The following PAK2 variants were observed in gnomAD, a reference collection of about 807,000 sequenced individuals.
PAK2 encodes the protein p21 (RAC1) activated kinase 2, also known as serine/threonine-protein kinase PAK 2.
PAK2 carries 21 observed loss-of-function variants against 65.9 expected under a neutral mutation model. The ratio of observed to expected loss-of-function variants is 0.32; its 90% confidence interval spans 0.23 to 0.46. The LOEUF (loss-of-function observed/expected upper bound fraction) is 0.46, where lower values mean the gene tolerates loss of function less well. Ranked by LOEUF, PAK2 falls within the 20% of genes least tolerant of loss-of-function variation. PAK2 has a pLI of 1.00. For missense variants in PAK2, 324 were observed against 642.6 expected (o/e 0.50, Z 5.36); for synonymous variants, 204 against 219.7 (o/e 0.93, Z 0.63).
At chr3:196,779,714 C>A (rs1263016698) in intron 1 of PAK2, among the ~76,000 whole-genome samples, 1 of 152,050 alleles carries the variant, frequency 6.6e-6, no homozygotes, top group Non-Finnish European at 1.5e-5. Flanking sequence ...ACTCTGTTAC[C>A]CACGCTGGAG....
chr3:196,830,196 T>G lies in PAK2; in HGVS notation c.*1791T>G, dbSNP rs1272883856. On this transcript the variant is annotated 3_prime_UTR_variant, in exon 15 of 15. Coordinates refer to ENST00000327134, the MANE Select transcript of PAK2 (RefSeq NM_002577.4). ...GCAATTATAAGGAGAGAAGTGACTG[T>G]TTTTTATTGATAAGGCAAGATTTTC... 1 of 152,070 alleles carries G rather than the reference T, an allele frequency of 6.6e-6. No homozygotes were observed. Among genetic ancestry groups the G allele is most frequent in the Admixed American group, 6.5e-5 (1 of 15,268 alleles). The allele number at this position is 152,070 out of a possible 1,614,324, so 9.4% of individuals were successfully genotyped here.
intron 1 of PAK2, among the ~76,000 whole-genome samples, chr3:196,743,345 T>G (rs1010538398): frequency 1.3e-5 from 2 of 152,188 alleles, no homozygotes; most frequent in African/African-American, 4.8e-5. Flanking sequence ...CTGTTCTACT[T>G]TACCCTGGGC....
Position 196,812,263 on chromosome 3 carries a change from A to AG in PAK2, c.820dup (p.Glu274GlyfsTer8). 1 of 1,571,842 alleles carries AG rather than the reference A, an allele frequency of 6.4e-7. No homozygotes were observed. Among genetic ancestry groups the AG allele is most frequent in the Non-Finnish European group, 8.8e-7 (1 of 1,141,734 alleles). On this transcript the variant is annotated frameshift_variant, in exon 9 of 15. Transcript: ENST00000327134. LOFTEE classifies it high-confidence loss of function. ...ACTGCTACTGACGTTGCACTGGGAC[A>AG]GGAGGTAGTTACTTTGTTGTAATCC...
intron 1 of PAK2, among the ~76,000 whole-genome samples, chr3:196,755,817 A>G (rs918139990): frequency 1.3e-5 from 2 of 151,082 alleles, no homozygotes; most frequent in Admixed American, 6.6e-5. Flanking sequence ...GTACAGCGGC[A>G]TGATCTTGGC....
intron 1 of PAK2, among the ~76,000 whole-genome samples, chr3:196,773,163 G>T (rs1215483547): frequency 2.0e-5 from 3 of 152,138 alleles, no homozygotes; most frequent in Non-Finnish European, 4.4e-5. Flanking sequence ...AGTACAGTGT[G>T]TTTTGGGCAC....
Position 196,791,651 on chromosome 3 carries a change from G to A in PAK2, c.187+8818G>A, listed in dbSNP as rs921785089. On this transcript the variant is annotated intron_variant, in intron 2 of 14. Coordinates refer to ENST00000327134, the MANE Select transcript of PAK2 (RefSeq NM_002577.4). The surrounding 1 kb of genome is among the most constrained non-coding windows in gnomAD (Gnocchi z 4.0). ...AAGAAATATAATTCCTGGGCCGGGC[G>A]TGGTGGCTCACGCCTGTAATCCCAG... Among the ~76,000 whole-genome samples the A allele has an allele frequency of 2.6e-5, 4 of 151,880 alleles. No homozygotes were observed. The highest frequency in any genetic ancestry group is 1.3e-4 in the Admixed American group (2 of 15,244).
At position 196,762,555 on chromosome 3, in the gene PAK2, G is replaced by A. The variant is rs562347041; in HGVS notation, c.-21-20071G>A. ...ACCAAAACCAGTCAGGCGTGGCGGCGCATGCCTGCAATCGCAGGCACTCGG... is the reference window on the plus strand; with the variant it reads ...ACCAAAACCAGTCAGGCGTGGCGGCACATGCCTGCAATCGCAGGCACTCGG... On this transcript the variant is annotated intron_variant, in intron 1 of 14. Transcript: ENST00000327134. Among the ~76,000 whole-genome samples, 45 of 150,162 alleles carry A rather than the reference G, an allele frequency of 3.0e-4. 1 individual carries two copies. In the South Asian group the frequency reaches 5.3e-3, roughly 18 times the overall value.
In PAK2 at chr3:196,786,159, A is replaced by G. The variant is rs141435047; in HGVS notation, c.187+3326A>G. ...TTAATTTGATATGGTGGATTTGATC[A>G]ATTTCTCTTTTTTTTTTTTTTGAGA... On this transcript the variant is annotated intron_variant, in intron 2 of 14. Transcript: ENST00000327134. Among the ~76,000 whole-genome samples, 608 of 148,180 alleles carry G rather than the reference A, an allele frequency of 4.1e-3. 1 individual carries two copies. The highest frequency in any genetic ancestry group is 6.5e-3 in the Non-Finnish European group (436 of 67,424).
Position 196,820,636 on chromosome 3 carries a change from G to A in PAK2, c.1350+69G>A, listed in dbSNP as rs1438938602. On this transcript the variant is annotated intron_variant, in intron 13 of 14. Coordinates refer to ENST00000327134, the MANE Select transcript of PAK2 (RefSeq NM_002577.4). This position sits in a 1 kb window ranked among gnomAD's most constrained non-coding sequence, Gnocchi z 4.6. ...AAACTCTTATTTAGAACTTGCACGTGCCTGGCACTGTCCAAGAATTTAAAG... is the reference window on the plus strand; with the variant it reads ...AAACTCTTATTTAGAACTTGCACGTACCTGGCACTGTCCAAGAATTTAAAG... 2.5e-6 allele frequency: 2 copies of A among 809,172 alleles called. No individual in the cohort carries two copies. The highest frequency in any genetic ancestry group is 3.9e-6 in the Non-Finnish European group (2 of 516,440). The allele number at this position is 809,172 out of a possible 1,614,324, so 50.1% of individuals were successfully genotyped here.
At chr3:196,815,098 T>G (rs1715960648) in intron 11 of PAK2, among the ~76,000 whole-genome samples, 1 of 151,784 alleles carries the variant, frequency 6.6e-6, no homozygotes, top group Non-Finnish European at 1.5e-5. Flanking sequence ...GAGAATGGCG[T>G]GAACCTGGGA....
rs140995026 is a variant in PAK2, at chr3:196,764,469, A to G, written c.-21-18157A>G. 2.2e-3 allele frequency among the ~76,000 whole-genome samples: 340 copies of G among 151,946 alleles called. 1 individual carries two copies. Among genetic ancestry groups the G allele is most frequent in the African/African-American group, 6.8e-3 (283 of 41,494 alleles). Reference sequence around the variant, plus strand: ...CGCATCTCTACTAAAAATACAAAAAATTAGCCAGGCATGGTGGCGGGTGTC... The same window carrying G: ...CGCATCTCTACTAAAAATACAAAAAGTTAGCCAGGCATGGTGGCGGGTGTC... On this transcript the variant is annotated intron_variant, in intron 1 of 14. Coordinates refer to ENST00000327134, the MANE Select transcript of PAK2 (RefSeq NM_002577.4).
chr3:196,772,702 A>G (rs1714397738), intron 1 of PAK2, among the ~76,000 whole-genome samples: 1 of 151,086 alleles, frequency 6.6e-6, no homozygotes. Flanking sequence ...GTGATTTGGA[A>G]ATGTTTTCAT....
intron 13 of PAK2, among the ~76,000 whole-genome samples, chr3:196,821,551 T>C (rs1016173109): frequency 1.3e-5 from 2 of 151,104 alleles, no homozygotes. Flanking sequence ...AGCATGGTGG[T>C]GGGTGCCTGT....
At position 196,829,955 on chromosome 3, in the gene PAK2, T is replaced by C. The variant is rs1712013873; in HGVS notation, c.*1550T>C. The C allele has an allele frequency of 6.6e-6, 1 of 152,054 alleles. No homozygotes were observed. The highest frequency in any genetic ancestry group is 1.5e-5 in the Non-Finnish European group (1 of 68,030). 9.4% of individuals were successfully genotyped at this position (152,054 alleles called of 1,614,324 possible). On this transcript the variant is annotated 3_prime_UTR_variant, in exon 15 of 15. Coordinates refer to ENST00000327134, the MANE Select transcript of PAK2 (RefSeq NM_002577.4). ...TCTCCTCTTCTTCTCCTTTATTCATTGTTTTGCTTTTGGAGTGGGTGTTGT... is the reference window on the plus strand; with the variant it reads ...TCTCCTCTTCTTCTCCTTTATTCATCGTTTTGCTTTTGGAGTGGGTGTTGT...
intron 2 of PAK2, among the ~76,000 whole-genome samples, chr3:196,796,680 A>G (rs1715269755): frequency 6.6e-6 from 1 of 152,170 alleles, no homozygotes; most frequent in Admixed American, 6.5e-5. Context: ...ATAAAAACAG[A>G]CCTACCTACA....
intron 6 of PAK2, among the ~76,000 whole-genome samples, chr3:196,807,545 C>A (rs1715626662): frequency 1.3e-5 from 2 of 152,118 alleles, no homozygotes; most frequent in Admixed American, 6.5e-5. Flanking sequence ...ATTCATGGAC[C>A]TGCTGTTTTA....
At chr3:196,803,913 A>G (rs1577733227) in intron 4 of PAK2, among the ~76,000 whole-genome samples, 1 of 152,216 alleles carries the variant, frequency 6.6e-6, no homozygotes, top group South Asian at 2.1e-4. Context: ...TTTTGTTCAA[A>G]TAAAGATCAG....
intron 1 of PAK2, among the ~76,000 whole-genome samples, chr3:196,757,252 A>T (rs2108716267): frequency 6.6e-6 from 1 of 152,336 alleles, no homozygotes; most frequent in East Asian, 1.9e-4. Flanking sequence ...AGGACAGAGC[A>T]GGTGACTGGG....
At chr3:196,773,746 A>G (rs746378789) in intron 1 of PAK2, among the ~76,000 whole-genome samples, 14 of 151,992 alleles carry the variant, frequency 9.2e-5, no homozygotes, top group Non-Finnish European at 1.8e-4. Flanking sequence ...ACGTGGTGGT[A>G]TCCGCCTCCC....
Sources: allele counts gnomAD v4.1 joint callset (sites outside exome capture counted in the v4.1 genomes callset), GRCh38; gene constraint gnomAD v4.1.1; non-coding constraint Gnocchi (gnomAD v3.1); transcripts MANE v1.5; gene names NCBI Gene and HGNC (gene_info 2026-07-23, HGNC 2026-07-21).